The following FCGRT variants were observed in gnomAD, a reference collection of about 807,000 sequenced individuals.
The protein encoded by FCGRT is IgG receptor FcRn large subunit p51.
In FCGRT, 13 loss-of-function variants were observed where a neutral mutation model predicts 35.7. The observed-to-expected ratio is 0.36, with a 90% CI of 0.24 to 0.58. The LOEUF (loss-of-function observed/expected upper bound fraction) is 0.58, where lower values mean the gene tolerates loss of function less well. FCGRT is among the 20% of genes least tolerant of loss of function. The pLI is 0.77. For synonymous variants in FCGRT, 233 were observed against 216.5 expected (o/e 1.08, Z -0.67); for missense variants, 455 against 474.9 (o/e 0.96, Z 0.39).
In FCGRT at chr19:49,526,242, T is replaced by C; in HGVS notation, c.*123T>C. On this transcript the variant is annotated 3_prime_UTR_variant, in exon 7 of 7. Transcript: ENST00000221466. ...GTTCTGGGCCTAGTTGTCCTCCCTC[T>C]GGAGCCCCGTCCTGTGGTCTGCCTC... The C allele has an allele frequency of 1.5e-6, 1 of 673,310 alleles. No individual in the cohort carries two copies. The highest frequency in any genetic ancestry group is 2.6e-6 in the Non-Finnish European group (1 of 378,694). 41.7% of individuals were successfully genotyped at this position (673,310 alleles called of 1,614,324 possible).
Position 49,513,372 on chromosome 19 carries a change from C to A in FCGRT, c.-14-15C>A. 8.4e-7 allele frequency: 1 copy of A among 1,185,146 alleles called. No individual in the cohort carries two copies. The highest frequency in any genetic ancestry group is 1.1e-6 in the Non-Finnish European group (1 of 941,976). The allele number at this position is 1,185,146 out of a possible 1,614,324, so 73.4% of individuals were successfully genotyped here. A position where few individuals can be genotyped will look rare whatever the true frequency, so the allele number is the denominator to read the frequency against. ...CCGGGGGTCGGGAGGAGTCACGTGC[C>A]CCCTCCCGCCCCAGGTCGTCCTCTC... On this transcript the variant is annotated splice_polypyrimidine_tract_variant and intron_variant, in intron 1 of 6. Coordinates refer to ENST00000221466, the MANE Select transcript of FCGRT (RefSeq NM_001136019.3).
rs565083941 is a variant in FCGRT, at chr19:49,514,199, T to G, written c.326-12T>G. ...CTCCGGGGCCCCGCTTACCTGTGTT[T>G]GGGCGCCCCAGGTCCCTACACTCTG... On this transcript the variant is annotated splice_polypyrimidine_tract_variant and intron_variant, in intron 3 of 6. Coordinates refer to ENST00000221466, the MANE Select transcript of FCGRT (RefSeq NM_001136019.3). 6.2e-7 allele frequency: 1 copy of G among 1,609,096 alleles called. No individual in the cohort carries two copies. Among genetic ancestry groups the G allele is most frequent in the Non-Finnish European group, 8.5e-7 (1 of 1,176,938 alleles).
chr19:49,524,867 A>G (rs1265613261), intron 5 of FCGRT, 91 bp downstream of exon 5: 2 of 1,221,486 alleles, frequency 1.6e-6, no homozygotes, highest in Non-Finnish European at 2.3e-6. Context: ...CTTCCTCCCC[A>G]CTGCTGCCAC....
At position 49,513,371 on chromosome 19, in the gene FCGRT, C is replaced by T. The variant is rs898949490; in HGVS notation, c.-14-16C>T. 1 of 916,164 alleles carries T rather than the reference C, an allele frequency of 1.1e-6. No homozygotes were observed. Among genetic ancestry groups the T allele is most frequent in the Non-Finnish European group, 1.4e-6 (1 of 727,572 alleles). The allele number at this position is 916,164 out of a possible 1,614,324, so 56.8% of individuals were successfully genotyped here. On this transcript the variant is annotated splice_polypyrimidine_tract_variant and intron_variant, in intron 1 of 6. Coordinates refer to ENST00000221466, the MANE Select transcript of FCGRT (RefSeq NM_001136019.3). ...GCCGGGGGTCGGGAGGAGTCACGTGCCCCCTCCCGCCCCAGGTCGTCCTCT... is the reference window on the plus strand; with the variant it reads ...GCCGGGGGTCGGGAGGAGTCACGTGTCCCCTCCCGCCCCAGGTCGTCCTCT...
chr19:49,524,625 G>T lies in FCGRT; in HGVS notation c.720G>T (p.Leu240=). The change falls in exon 5 of 7, where the codon CTG becomes CTT. Residue 240 remains leucine, a synonymous_variant. Transcript: ENST00000221466. The part of the protein sequence containing the change: ...ELQLRFLRNG[L]AAGTGQGDFG... ...AACTTCGGTTCCTGCGGAATGGGCT[G>T]GCCGCTGGCACCGGCCAGGGTGACT... is the stretch of plus-strand genomic sequence containing the variant. 1 of 1,610,254 alleles carries T rather than the reference G, an allele frequency of 6.2e-7. No individual in the cohort carries two copies.
intron 4 of FCGRT, among the ~76,000 whole-genome samples, chr19:49,516,917 C>T (rs1010261885): frequency 2.0e-5 from 3 of 150,364 alleles, no homozygotes; most frequent in Non-Finnish European, 4.4e-5. Flanking sequence ...GGACCAGACA[C>T]GGTGGCTCAC....
At chr19:49,520,346 ATT>A (rs77327285) in intron 4 of FCGRT, among the ~76,000 whole-genome samples, 13 of 121,386 alleles carry the variant, frequency 1.1e-4, no homozygotes, top group African/African-American at 6.3e-5. Context: ...GCCAGGATGG[ATT>A]TTTTTTTTTT....
Position 49,514,012 on chromosome 19 carries a change from G to A in FCGRT, c.204G>A (p.Ala68=), listed in dbSNP as rs2079990768. The A allele has an allele frequency of 6.2e-7, 1 of 1,613,008 alleles. No homozygotes were observed. ...YLSYNSLRGE[A]EPCGAWVWEN... ...GCTACAATAGCCTGCGGGGCGAGGCGGAGCCCTGTGGAGCTTGGGTCTGGG... is the reference window on the plus strand; with the variant it reads ...GCTACAATAGCCTGCGGGGCGAGGCAGAGCCCTGTGGAGCTTGGGTCTGGG... The change falls in exon 3 of 7, where the codon GCG becomes GCA. Residue 68 remains alanine (A), a synonymous_variant. Coordinates refer to ENST00000221466, the MANE Select transcript of FCGRT (RefSeq NM_001136019.3).
chr19:49,515,508 T>G (rs922768476), intron 4 of FCGRT, among the ~76,000 whole-genome samples: 1 of 152,014 alleles, frequency 6.6e-6, no homozygotes, highest in African/African-American at 2.4e-5. Flanking sequence ...CTCAAACTCT[T>G]GACCTCAAGT....
At chr19:49,521,517 C>G (rs975554175) in intron 4 of FCGRT, among the ~76,000 whole-genome samples, 2 of 150,744 alleles carry the variant, frequency 1.3e-5, no homozygotes, top group Admixed American at 6.6e-5. Context: ...TTGCAGTGAC[C>G]CAAGATTGTG....
At chr19:49,523,068 C>T (rs913311519) in intron 4 of FCGRT, among the ~76,000 whole-genome samples, 17 of 152,086 alleles carry the variant, frequency 1.1e-4, no homozygotes, top group Admixed American at 3.3e-4. Flanking sequence ...TGAGCCACCG[C>T]GCCTGGCCAA....
intron 5 of FCGRT, chr19:49,525,025 T>C (rs1232496483): frequency 6.1e-6 from 4 of 652,298 alleles, no homozygotes; most frequent in Admixed American, 4.2e-5. Flanking sequence ...TGGCCAGTCC[T>C]CCCTGAGTCT....
At chr19:49,524,378 C>A in intron 4 of FCGRT, 129 bp from the exon 5 acceptor site, 1 of 1,036,390 alleles carries the variant, frequency 9.6e-7, no homozygotes, top group Non-Finnish European at 1.4e-6. Context: ...GGAAGTGCCT[C>A]CCCTTTTACC....
intron 4 of FCGRT, among the ~76,000 whole-genome samples, chr19:49,520,486 C>T (rs1388543862): frequency 1.3e-5 from 2 of 151,942 alleles, no homozygotes; most frequent in African/African-American, 4.8e-5. Context: ...GCTGGGACTA[C>T]AGGCATGCGC....
At chr19:49,513,283 C>T (rs2079984285) in intron 1 of FCGRT, 104 bp from the exon 2 acceptor site, 2 of 448,000 alleles carry the variant, frequency 4.5e-6, no homozygotes, top group Non-Finnish European at 3.8e-6. Context: ...ACCGAGCCCG[C>T]AGAGCCCCTC....
At chr19:49,515,493 C>T (rs972566801) in intron 4 of FCGRT, among the ~76,000 whole-genome samples, 10 of 152,138 alleles carry the variant, frequency 6.6e-5, no homozygotes, top group Admixed American at 2.6e-4. Flanking sequence ...GGTAGCTAGG[C>T]TGGTCTCAAA....
intron 4 of FCGRT, among the ~76,000 whole-genome samples, chr19:49,522,246 A>AT (rs533521212): frequency 2.7e-5 from 4 of 150,270 alleles, no homozygotes; most frequent in South Asian, 2.1e-4. Flanking sequence ...ACACTGGCTA[A>AT]TTTTTTTTAT....
At chr19:49,516,596 G>T (rs1303049665) in intron 4 of FCGRT, among the ~76,000 whole-genome samples, 1 of 148,048 alleles carries the variant, frequency 6.8e-6, no homozygotes, top group Admixed American at 6.9e-5. Flanking sequence ...TTGCACTGTC[G>T]CCCAGACTGC....
chr19:49,521,814 G>A (rs1056303726), intron 4 of FCGRT: 3 of 151,938 alleles, frequency 2.0e-5, no homozygotes, highest in African/African-American at 7.3e-5. Flanking sequence ...GGGGCCACAG[G>A]TGTGTACCAT....
Sources: allele counts gnomAD v4.1 joint callset (sites outside exome capture counted in the v4.1 genomes callset), GRCh38; gene constraint gnomAD v4.1.1; transcripts MANE v1.5; gene names NCBI Gene and HGNC (gene_info 2026-07-23, HGNC 2026-07-21).